PZP: variants seen among roughly 807,000 people sequenced by gnomAD.
PZP encodes PZP alpha-2-macroglobulin like, also known as pregnancy zone protein.
Under a neutral mutation model 179.8 loss-of-function variants are expected in PZP, and 150 were observed. The observed-to-expected ratio is 0.83, with a 90% CI of 0.73 to 0.96. The LOEUF is 0.96. PZP is among the 40% of genes least tolerant of loss of function. The pLI is 0.00. For missense variants in PZP, 1,689 were observed against 1,764.0 expected, an observed-to-expected ratio of 0.96 and a Z score of 0.76; for synonymous variants, 624 against 652.3, an observed-to-expected ratio of 0.96 and a Z score of 0.66.
intron 15 of PZP, among the ~76,000 whole-genome samples, chr12:9,177,647 A>C (rs1942482235): frequency 1.3e-5 from 2 of 152,198 alleles, no homozygotes; most frequent in African/African-American, 4.8e-5. Flanking sequence ...AACATGTATT[A>C]TTTATATTGG....
chr12:9,186,369 A>T (rs1355620975), intron 13 of PZP, among the ~76,000 whole-genome samples: 1 of 152,222 alleles, frequency 6.6e-6, no homozygotes, highest in Non-Finnish European at 1.5e-5. Context: ...CAAACAGCTA[A>T]CAACATGATG....
Position 9,196,639 on chromosome 12 carries a change from A to C in PZP, c.914T>G (p.Leu305Arg), listed in dbSNP as rs746221450. Residue 305 changes from leucine to arginine, a missense_variant, in exon 9 of 36, where the codon CTC becomes CGC. By Grantham distance (102) the Leu-to-Arg change is moderately radical. Around this residue, in one of 3 missense-constraint regions of PZP, gnomAD observed 742 missense variants for 730.5 expected, o/e 1.02. Transcript: ENST00000261336. Reference protein sequence around the residue: ...CITQQVHTKMLQITNTGFEMK... With the variant: ...CITQQVHTKMRQITNTGFEMK... ...TTCAAAGCCCGTATTTGTAATCTGG[A>C]GCATTTTGGTGTGTACTTGTTGGGT... 5.0e-6 allele frequency: 8 copies of C among 1,613,724 alleles called. No individual in the cohort carries two copies. Among genetic ancestry groups the C allele is most frequent in the Non-Finnish European group, 6.8e-6 (8 of 1,179,804 alleles).
At chr12:9,139,740 A>T in the PZP span, among the ~76,000 whole-genome samples, 2 of 152,186 alleles carry the variant, frequency 1.3e-5, no homozygotes, top group African/African-American at 4.8e-5. Flanking sequence ...ATATAAGTGT[A>T]GCCACTCCTC....
At position 9,203,905 on chromosome 12, in the gene PZP, T is replaced by A; in HGVS notation, c.130A>T (p.Lys44Ter). ...TGGCTCAGAAGGACACAGCCCTTCT[T>A]AGGGGCCTCAGTGTGGAGCAGGGAG... ...VPSLLHTEAPKKGCVLLSHLN... is the reference protein window; with the variant it reads ...VPSLLHTEAP The change falls in exon 2 of 36, where the codon AAG (lysine) becomes TAG (stop). Residue 44 changes from lysine to a stop codon, truncating the protein, a stop_gained. Transcript: ENST00000261336. LOFTEE classifies it high-confidence loss of function. 6.2e-7 allele frequency: 1 copy of A among 1,613,998 alleles called. No individual in the cohort carries two copies. The highest frequency in any genetic ancestry group is 8.5e-7 in the Non-Finnish European group (1 of 1,179,908).
intron 22 of PZP, 172 bp downstream of exon 22, chr12:9,162,425 C>T: frequency 1.7e-6 from 1 of 594,024 alleles, no homozygotes; most frequent in Non-Finnish European, 3.0e-6. Flanking sequence ...AACTTGCTCT[C>T]TTGGGCTCAA....
Position 9,161,073 on chromosome 12 carries a change from A to G in PZP, c.2832T>C (p.Asn944=), listed in dbSNP as rs373706794. 4 of 1,604,134 alleles carry G rather than the reference A, an allele frequency of 2.5e-6. No individual in the cohort carries two copies. Among genetic ancestry groups the G allele is most frequent in the Non-Finnish European group, 3.4e-6 (4 of 1,171,692 alleles). The change falls in exon 23 of 36, where the codon AAT becomes AAC. Residue 944 remains asparagine, a synonymous_variant. Coordinates refer to ENST00000261336, the MANE Select transcript of PZP (RefSeq NM_002864.3). ...AAGCTCTGGCAGATTCTTTGACCAC[A>G]TTTGATGGGAGCTTCAAGGACAACT... ...SEQLSLKLPS[N]VVKESARASF... is the part of the protein sequence containing the mutation.
the PZP span, among the ~76,000 whole-genome samples, chr12:9,139,700 AAC>A: frequency 1.3e-5 from 2 of 152,126 alleles, no homozygotes; most frequent in East Asian, 3.8e-4. Flanking sequence ...GGTCTCTTGT[AAC>A]AGTTTTTAAC....
At position 9,159,941 on chromosome 12, in the gene PZP, G is replaced by C. The variant is rs1187604902; in HGVS notation, c.3134C>G (p.Thr1045Ser). Residue 1045 changes from threonine (T) to serine (S), a missense_variant, in exon 25 of 36, where the codon ACT (threonine) becomes AGT (serine). Around this residue, in one of 3 missense-constraint regions of PZP, gnomAD observed 746 missense variants for 749.2 expected, o/e 1.00. Transcript: ENST00000261336. The part of the protein sequence containing the change: ...GERYGRNQGN[T>S]WLTAFVLKTF... The stretch of plus-strand genomic sequence containing the variant: ...CAGAATAGATTTTCTTTCTTACCAA[G>C]TGTTGCCCTGGTTCCTGCCATATCG... 1 of 1,609,596 alleles carries C rather than the reference G, an allele frequency of 6.2e-7. No individual in the cohort carries two copies. Among genetic ancestry groups the C allele is most frequent in the Non-Finnish European group, 8.5e-7 (1 of 1,175,998 alleles).
At chr12:9,180,854 T>C (rs1413876638) in intron 15 of PZP, 129 bp downstream of exon 15, 10 of 899,340 alleles carry the variant, frequency 1.1e-5, no homozygotes, top group Non-Finnish European at 1.6e-5. Flanking sequence ...ACCATCAGAG[T>C]GAACAGGCAA....
rs762995532 is a variant in PZP at position 9,201,319 on chromosome 12, ATACT to A, written c.501+4_501+7del. ...ATTTCCTTATAAGATACTTTTTCTG[ATACT>A]TACCTCAAGGTATATCAGTGGAATC... On this transcript the variant is annotated splice_donor_5th_base_variant and intron_variant, in intron 5 of 35. Transcript: ENST00000261336. The A allele has an allele frequency of 2.4e-5, 37 of 1,541,088 alleles. No individual in the cohort carries two copies. The South Asian group carries it at 4.1e-4, about 17-fold the overall frequency.
intron 1 of PZP, among the ~76,000 whole-genome samples, chr12:9,207,908 A>G (rs1438249538): frequency 6.6e-6 from 1 of 152,222 alleles, no homozygotes; most frequent in Admixed American, 6.5e-5. Context: ...ATATATATAT[A>G]TGGCCTACAA....
chr12:9,207,814 A>G (rs931569081), intron 1 of PZP, among the ~76,000 whole-genome samples: 1 of 152,080 alleles, frequency 6.6e-6, no homozygotes, highest in East Asian at 1.9e-4. Context: ...GGTTAAAATT[A>G]TTTTCCCTGC....
At chr12:9,168,239 C>T (rs1565636570) in intron 17 of PZP, among the ~76,000 whole-genome samples, 1 of 152,174 alleles carries the variant, frequency 6.6e-6, no homozygotes, top group Non-Finnish European at 1.5e-5. Context: ...ACACCCACTT[C>T]ACATATAGGA....
intron 33 of PZP, 50 bp from the exon 34 acceptor site, chr12:9,150,796 C>A (rs1275459841): frequency 1.8e-6 from 2 of 1,125,660 alleles, no homozygotes; most frequent in Admixed American, 1.8e-5. Context: ...CTCCTTCTTT[C>A]TCCCATGAGC....
downstream of PZP, among the ~76,000 whole-genome samples, chr12:9,145,284 T>G (rs1048801049): frequency 2.0e-5 from 3 of 152,148 alleles, no homozygotes; most frequent in East Asian, 3.8e-4. Flanking sequence ...TGTTTTATTG[T>G]TTTTTTGTGT....
intron 13 of PZP, among the ~76,000 whole-genome samples, chr12:9,187,672 A>G (rs11502735): frequency 0.28 from 42,092 of 152,096 alleles, 5,955 homozygotes; most frequent in East Asian, 0.4. Flanking sequence ...TCTGGGACAC[A>G]GCTAAGGCGG....
At chr12:9,160,213 A>T (rs775139607) in intron 24 of PZP, 101 bp downstream of exon 24, 2 of 1,245,214 alleles carry the variant, frequency 1.6e-6, no homozygotes, top group African/African-American at 1.5e-5. Flanking sequence ...TTGTTTTCAT[A>T]AAAATTATCA....
At chr12:9,176,033 C>T (rs193265031) in intron 15 of PZP, among the ~76,000 whole-genome samples, 79 of 152,220 alleles carry the variant, frequency 5.2e-4, no homozygotes, top group Middle Eastern at 6.8e-3. Context: ...GCACTATTCA[C>T]GATAGCAAAG....
chr12:9,207,489 G>T (rs750551423), intron 1 of PZP, among the ~76,000 whole-genome samples: 72 of 152,322 alleles, frequency 4.7e-4, no homozygotes, highest in South Asian at 1.7e-3. Flanking sequence ...TTTGAGGCAG[G>T]ATGCAAAGGT....
Sources: gnomAD v4.1 joint callset for allele counts (sites outside exome capture counted in the v4.1 genomes callset) on GRCh38, gnomAD v4.1.1 for gene constraint, gnomAD v4.1.1 regional missense constraint, MANE v1.5 for transcripts, NCBI Gene and HGNC (gene_info 2026-07-23, HGNC 2026-07-21) for gene names.